The following JAK2 variants were observed in gnomAD, a reference collection of about 807,000 sequenced individuals.
JAK2 encodes Janus kinase 2.
JAK2 carries 86 observed loss-of-function variants against 139.3 expected under a neutral mutation model. The observed-to-expected ratio is 0.62, with a 90% CI of 0.52 to 0.74. The LOEUF is 0.74. Among genes scored for constraint, JAK2 ranks in the 30% least tolerant of loss-of-function variants. The pLI, the probability that JAK2 is intolerant of heterozygous loss-of-function variation, is 0.00. For missense variants in JAK2, 1,421 were observed against 1,360.3 expected, an observed-to-expected ratio of 1.04 and a Z score of -0.70; for synonymous variants, 490 against 437.7, an observed-to-expected ratio of 1.12 and a Z score of -1.49.
intron 22 of JAK2, among the ~76,000 whole-genome samples, chr9:5,104,636 G>A (rs1241222540): frequency 2.0e-5 from 3 of 152,186 alleles, no homozygotes; most frequent in African/African-American, 4.8e-5. Flanking sequence ...TATCCCTGAT[G>A]AACGTCGATG....
rs948121465 is a variant in JAK2 at position 5,129,615 on chromosome 9, G to C, written c.*2824G>C. 2.0e-5 allele frequency among the ~76,000 whole-genome samples: 3 copies of C among 152,018 alleles called. No homozygotes were observed. Among genetic ancestry groups the C allele is most frequent in the Admixed American group, 2.0e-4 (3 of 15,258 alleles). On this transcript the variant is annotated 3_prime_UTR_variant, in exon 25 of 25. Coordinates refer to ENST00000381652, the MANE Select transcript of JAK2 (RefSeq NM_004972.4). Reference sequence around the variant, plus strand: ...CCAAACAAAAGACTAGGTTTTATGAGATAAGCTTGATTTAAGAAAAAAACA... The same window carrying C: ...CCAAACAAAAGACTAGGTTTTATGACATAAGCTTGATTTAAGAAAAAAACA...
intron 22 of JAK2, chr9:5,094,559 T>C (rs10115518): frequency 0.24 from 37,036 of 152,026 alleles, 4,900 homozygotes; most frequent in South Asian, 0.3. Context: ...TCAACTTATA[T>C]GCATGCATCA....
chr9:5,016,249 G>C (rs544088031), intron 2 of JAK2, among the ~76,000 whole-genome samples: 1 of 152,288 alleles, frequency 6.6e-6, no homozygotes, highest in East Asian at 1.9e-4. Flanking sequence ...CCTTGTGACT[G>C]ACTGGATCTG....
intron 22 of JAK2, chr9:5,111,654 T>G: frequency 2.5e-6 from 1 of 394,570 alleles, no homozygotes; most frequent in Non-Finnish European, 4.9e-6. Flanking sequence ...CCCTCGTCCC[T>G]CCCGCCCAGC....
chr9:5,098,867 T>G (rs1383865197), intron 22 of JAK2: 1 of 152,190 alleles, frequency 6.6e-6, no homozygotes, highest in African/African-American at 2.4e-5. Flanking sequence ...GTAATTTTTT[T>G]GTATTTTTAG....
At chr9:5,062,304 T>A (rs1234501194) in intron 8 of JAK2, among the ~76,000 whole-genome samples, 1 of 151,950 alleles carries the variant, frequency 6.6e-6, no homozygotes, top group Admixed American at 6.6e-5. Context: ...CCTTGTATTC[T>A]GAGGGACAAC....
intron 22 of JAK2, among the ~76,000 whole-genome samples, chr9:5,117,857 G>GTTGTATTAA (rs1823325257): frequency 6.6e-6 from 1 of 152,154 alleles, no homozygotes; most frequent in African/African-American, 2.4e-5. Context: ...GAGGCTAATA[G>GTTGTATTAA]TAGAGAGGCA....
intron 22 of JAK2, chr9:5,097,222 T>G (rs780528186): frequency 6.6e-6 from 1 of 152,122 alleles, no homozygotes; most frequent in African/African-American, 2.4e-5. Context: ...GTCCAACCAT[T>G]CCTCATTACA....
At chr9:5,076,186 G>C (rs923428397) in intron 14 of JAK2, among the ~76,000 whole-genome samples, 2 of 152,168 alleles carry the variant, frequency 1.3e-5, no homozygotes, top group Admixed American at 1.3e-4. Flanking sequence ...TGTGAACATT[G>C]TGAAATGACA....
At chr9:5,105,548 G>C (rs1156684789) in intron 22 of JAK2, among the ~76,000 whole-genome samples, 3 of 152,070 alleles carry the variant, frequency 2.0e-5, no homozygotes, top group Non-Finnish European at 4.4e-5. Context: ...TTTTTTCATA[G>C]AACTGGAAAC....
chr9:5,002,502 T>C (rs1441584717), intron 2 of JAK2, among the ~76,000 whole-genome samples: 1 of 152,032 alleles, frequency 6.6e-6, no homozygotes, highest in Non-Finnish European at 1.5e-5. Flanking sequence ...ATAATTCATA[T>C]TAATTCAGTC....
At chr9:5,110,815 T>G in intron 22 of JAK2, 1 of 435,920 alleles carries the variant, frequency 2.3e-6, no homozygotes, top group Non-Finnish European at 4.4e-6. Context: ...GGGGCCCTGC[T>G]GCATCGCCCG....
intron 4 of JAK2, among the ~76,000 whole-genome samples, chr9:5,036,932 A>G (rs1212762977): frequency 6.6e-6 from 1 of 152,248 alleles, no homozygotes; most frequent in Non-Finnish European, 1.5e-5. Context: ...GGCAACCTAC[A>G]GAATGGGAGA....
chr9:5,011,167 C>T (rs1821677478), intron 2 of JAK2, among the ~76,000 whole-genome samples: 1 of 152,076 alleles, frequency 6.6e-6, no homozygotes, highest in Non-Finnish European at 1.5e-5. Flanking sequence ...ACTTGGAAAA[C>T]ATTTAGCCAG....
At chr9:5,110,863 C>T (rs543978683) in intron 22 of JAK2, 5 of 494,818 alleles carry the variant, frequency 1.0e-5, no homozygotes, top group African/African-American at 3.9e-5. Context: ...TTCATGCCGC[C>T]GCGCCCAGCA....
At chr9:5,030,518 T>G (rs1028155116) in intron 4 of JAK2, among the ~76,000 whole-genome samples, 3 of 152,044 alleles carry the variant, frequency 2.0e-5, no homozygotes, top group Non-Finnish European at 4.4e-5. Context: ...CTTCATGAGG[T>G]GTTAAGATTT....
intron 15 of JAK2, 57 bp downstream of exon 15, chr9:5,077,637 C>A: frequency 9.0e-7 from 1 of 1,113,338 alleles, no homozygotes; most frequent in Non-Finnish European, 1.2e-6. Flanking sequence ...AAACAATATA[C>A]AAATTATCTT....
chr9:5,021,920 A>G (rs1459866696), intron 2 of JAK2, 43 bp from the exon 3 acceptor site: 1 of 1,201,212 alleles, frequency 8.3e-7, no homozygotes, highest in African/African-American at 1.5e-5. Flanking sequence ...GGTGTGAGAC[A>G]CTGCGCCCAG....
Position 5,128,280 on chromosome 9 carries a change from T to G in JAK2, c.*1489T>G. 1 of 228,074 alleles carries G rather than the reference T, an allele frequency of 4.4e-6. No individual in the cohort carries two copies. The highest frequency in any genetic ancestry group is 6.2e-5 in the East Asian group (1 of 16,140). 14.1% of individuals were successfully genotyped at this position (228,074 alleles called of 1,614,324 possible). On this transcript the variant is annotated 3_prime_UTR_variant, in exon 25 of 25. Coordinates refer to ENST00000381652, the MANE Select transcript of JAK2 (RefSeq NM_004972.4). ...AAGGAAGAAATGTTTTTTACATTCA[T>G]TATTATACTTAAAGCATTTTTAAAG...
Sources: gnomAD v4.1 joint callset for allele counts (sites outside exome capture counted in the v4.1 genomes callset) on GRCh38, gnomAD v4.1.1 for gene constraint, MANE v1.5 for transcripts, NCBI Gene and HGNC (gene_info 2026-07-23, HGNC 2026-07-21) for gene names.